The following BTRC variants were observed in gnomAD, a reference collection of about 807,000 sequenced individuals.
The protein encoded by BTRC is F-box/WD repeat-containing protein 1A.
BTRC carries 42 observed loss-of-function variants against 85.5 expected under a neutral mutation model. That is an observed-to-expected ratio of 0.49 (90% CI 0.38 to 0.64). BTRC has a LOEUF of 0.64. BTRC is among the 30% of genes least tolerant of loss of function. The probability of loss-of-function intolerance (pLI) is 0.00; values close to 1 mark genes in which losing one functional copy is unlikely to be tolerated. For missense variants in BTRC, 594 were observed against 743.5 expected (o/e 0.80, Z 2.34); for synonymous variants, 255 against 263.3 (o/e 0.97, Z 0.30).
intron 4 of BTRC, among the ~76,000 whole-genome samples, chr10:101,520,431 T>A (rs770821253): frequency 1.5e-4 from 23 of 152,242 alleles, no homozygotes; most frequent in Non-Finnish European, 4.4e-5. Context: ...TTCACTGTTA[T>A]ATTCCTAGTA....
Position 101,471,357 on chromosome 10 carries a change from C to G in BTRC, c.235-8011C>G, listed in dbSNP as rs534221154. On this transcript the variant is annotated intron_variant, in intron 3 of 14. Coordinates refer to ENST00000370187, the MANE Select transcript of BTRC (RefSeq NM_033637.4). Reference sequence around the variant, plus strand: ...TGAGTTATGATCACACCACTGCACTCCAGCCTGGGCAACAGAAAGAGAAAC... The same window carrying G: ...TGAGTTATGATCACACCACTGCACTGCAGCCTGGGCAACAGAAAGAGAAAC... 9.0e-4 allele frequency among the ~76,000 whole-genome samples: 137 copies of G among 152,182 alleles called. 1 individual carries two copies. The highest frequency in any genetic ancestry group is 3.1e-3 in the African/African-American group (130 of 41,516).
chr10:101,491,631 A>T (rs915592048), intron 4 of BTRC, among the ~76,000 whole-genome samples: 8 of 151,784 alleles, frequency 5.3e-5, no homozygotes, highest in Non-Finnish European at 1.2e-4. Flanking sequence ...CAGGAGGCGG[A>T]GGTTGCAGTG....
intron 4 of BTRC, among the ~76,000 whole-genome samples, chr10:101,489,132 T>C (rs1297719879): frequency 6.6e-6 from 1 of 152,148 alleles, no homozygotes; most frequent in Non-Finnish European, 1.5e-5. Flanking sequence ...TTTTTTGTCA[T>C]GTTTTATTTT....
At position 101,416,323 on chromosome 10, in the gene BTRC, A is replaced by G. The variant is rs1475748108; in HGVS notation, c.49-14022A>G. On this transcript the variant is annotated intron_variant, in intron 1 of 14. Transcript: ENST00000370187. Reference sequence around the variant, plus strand: ...TTCCCCTGGTTTTTGTTTGTTTTTTAATTTGGCCATTTGATCCCTTTGCTT... The same window carrying G: ...TTCCCCTGGTTTTTGTTTGTTTTTTGATTTGGCCATTTGATCCCTTTGCTT... Among the ~76,000 whole-genome samples, 3 of 151,710 alleles carry G rather than the reference A, an allele frequency of 2.0e-5. No homozygotes were observed. In the East Asian group the frequency reaches 5.8e-4, roughly 29 times the overall value.
chr10:101,405,890 C>T (rs908818706), intron 1 of BTRC, among the ~76,000 whole-genome samples: 8 of 152,114 alleles, frequency 5.3e-5, no homozygotes, highest in Non-Finnish European at 1.2e-4. Context: ...AGCAAGTGTG[C>T]TTGAAAAGAA....
rs1256697587 is a variant in BTRC, at chr10:101,429,996, A to G, written c.49-349A>G. 3.3e-5 allele frequency among the ~76,000 whole-genome samples: 5 copies of G among 152,026 alleles called. No homozygotes were observed. In the East Asian group the frequency reaches 9.6e-4, roughly 29 times the overall value. On this transcript the variant is annotated intron_variant, in intron 1 of 14. Coordinates refer to ENST00000370187, the MANE Select transcript of BTRC (RefSeq NM_033637.4). ...CAGTATTACACCCTGTGGTGAGTTT[A>G]TGGGAGCTGAGTTGAGGTGCATAGA...
intron 4 of BTRC, among the ~76,000 whole-genome samples, chr10:101,505,173 A>ATT (rs1453680858): frequency 2.1e-5 from 3 of 139,980 alleles, no homozygotes; most frequent in African/African-American, 7.8e-5. Flanking sequence ...ATATATATAT[A>ATT]TATATTTTTT....
intron 3 of BTRC, among the ~76,000 whole-genome samples, chr10:101,469,751 T>C (rs956208980): frequency 2.6e-5 from 4 of 152,136 alleles, no homozygotes; most frequent in African/African-American, 9.7e-5. Flanking sequence ...TCTCTTGTTC[T>C]CCTTTCTACT....
At chr10:101,378,002 G>A (rs758619003) in intron 1 of BTRC, among the ~76,000 whole-genome samples, 6 of 151,874 alleles carry the variant, frequency 4.0e-5, no homozygotes, top group Non-Finnish European at 8.8e-5. Flanking sequence ...AGTGAGAAAC[G>A]CTTATGGACA....
rs374757858 is a variant in BTRC at position 101,443,071 on chromosome 10, A to G, written c.156+12619A>G. Reference sequence around the variant, plus strand: ...TAATTTTTTTGTATTTTTAGTAGAGACGGGGTTTCACCATGTTAGCCAGGA... The same window carrying G: ...TAATTTTTTTGTATTTTTAGTAGAGGCGGGGTTTCACCATGTTAGCCAGGA... On this transcript the variant is annotated intron_variant, in intron 2 of 14. Coordinates refer to ENST00000370187, the MANE Select transcript of BTRC (RefSeq NM_033637.4). Among the ~76,000 whole-genome samples, 32 of 151,874 alleles carry G rather than the reference A, an allele frequency of 2.1e-4. 1 individual carries two copies. The East Asian group carries it at 6.2e-3, about 29-fold the overall frequency.
intron 1 of BTRC, among the ~76,000 whole-genome samples, chr10:101,359,763 G>C (rs901045612): frequency 2.6e-5 from 4 of 152,126 alleles, no homozygotes; most frequent in African/African-American, 7.2e-5. Context: ...ACCACACCCA[G>C]CTAATTTTGT....
intron 4 of BTRC, among the ~76,000 whole-genome samples, chr10:101,511,883 T>G (rs1041337203): frequency 6.6e-6 from 1 of 152,144 alleles, no homozygotes; most frequent in African/African-American, 2.4e-5. Flanking sequence ...ACTCCTAACC[T>G]CAAGTGATCT....
intron 1 of BTRC, among the ~76,000 whole-genome samples, chr10:101,386,740 C>T (rs1156974147): frequency 3.9e-5 from 6 of 152,058 alleles, no homozygotes; most frequent in African/African-American, 1.4e-4. Flanking sequence ...GGTGCTTTTC[C>T]GAGTCTTTGT....
chr10:101,473,535 A>G (rs1452038797), intron 3 of BTRC, among the ~76,000 whole-genome samples: 3 of 143,956 alleles, frequency 2.1e-5, no homozygotes, highest in Non-Finnish European at 3.0e-5. Flanking sequence ...CAGTGGTGCA[A>G]TCTCAGCTTA....
At chr10:101,409,238 TC>T (rs1224614288) in intron 1 of BTRC, among the ~76,000 whole-genome samples, 1 of 152,212 alleles carries the variant, frequency 6.6e-6, no homozygotes, top group Non-Finnish European at 1.5e-5. Flanking sequence ...TCTATTCCCT[TC>T]CTTCAGCCCT....
At chr10:101,552,675 G>A (rs577067747) in intron 14 of BTRC, among the ~76,000 whole-genome samples, 1 of 152,252 alleles carries the variant, frequency 6.6e-6, no homozygotes, top group East Asian at 1.9e-4. Context: ...GATAGCAAGA[G>A]CACTTCTAGT....
chr10:101,520,420 G>A (rs760746688), intron 4 of BTRC, among the ~76,000 whole-genome samples: 5 of 152,018 alleles, frequency 3.3e-5, no homozygotes, highest in African/African-American at 4.8e-5. Context: ...TGTCATTTTT[G>A]TTCACTGTTA....
chr10:101,454,789 A>C (rs1362627510), intron 2 of BTRC, among the ~76,000 whole-genome samples: 3 of 152,140 alleles, frequency 2.0e-5, no homozygotes, highest in Non-Finnish European at 2.9e-5. Flanking sequence ...TCTTTAAAAA[A>C]CAATCCTTTC....
chr10:101,490,767 A>G (rs1026305238), intron 4 of BTRC, among the ~76,000 whole-genome samples: 7 of 152,154 alleles, frequency 4.6e-5, no homozygotes, highest in African/African-American at 9.7e-5. Flanking sequence ...AAAACTTACT[A>G]TCTCTTTTCG....
Sources: gnomAD v4.1 joint callset for allele counts (sites outside exome capture counted in the v4.1 genomes callset) on GRCh38, gnomAD v4.1.1 for gene constraint, MANE v1.5 for transcripts, NCBI Gene and HGNC (gene_info 2026-07-23, HGNC 2026-07-21) for gene names.